Variants in TAB1 observed in about 807,000 individuals in gnomAD.
TAB1 encodes the protein TGF-beta-activated kinase 1 and MAP3K7-binding protein 1.
A neutral mutation model predicts 54.5 loss-of-function variants in TAB1; 30 were observed. That is an observed-to-expected ratio of 0.55 (90% confidence interval 0.41 to 0.75). The LOEUF is 0.75. Among genes scored for constraint, TAB1 ranks in the 30% least tolerant of loss-of-function variants. The pLI is 0.00. For missense variants in TAB1, 609 were observed against 683.2 expected, an observed-to-expected ratio of 0.89 and a Z score of 1.21; for synonymous variants, 289 against 286.9, an observed-to-expected ratio of 1.01 and a Z score of -0.07.
rs553292895 is a variant in TAB1 at position 39,421,747 on chromosome 22, A to G, written c.777-80A>G. On this transcript the variant is annotated intron_variant, in intron 7 of 10. Transcript: ENST00000216160. ...GTGTTTTATTTTACATTCTGGGCAT[A>G]GATTCCTCCCCTCAGCAGAATCAGC... The G allele has an allele frequency of 2.8e-5, 41 of 1,456,058 alleles. No individual in the cohort carries two copies. The African/African-American group carries it at 4.7e-4, about 17-fold the overall frequency. The allele number at this position is 1,456,058 out of a possible 1,614,324, so 90.2% of individuals were successfully genotyped here. A position where few individuals can be genotyped will look rare whatever the true frequency, so the allele number is the denominator to read the frequency against.
chr22:39,428,067 C>T lies in TAB1; in HGVS notation c.1191C>T (p.Ala397=). The T allele has an allele frequency of 1.2e-6, 2 of 1,613,710 alleles. No homozygotes were observed. The highest frequency in any genetic ancestry group is 1.7e-6 in the Non-Finnish European group (2 of 1,179,654). The change falls in exon 10 of 11, where the codon GCC becomes GCT. Residue 397 remains alanine (A), a synonymous_variant. Coordinates refer to ENST00000216160, the MANE Select transcript of TAB1 (RefSeq NM_006116.3). ...VYPVSVPYSS[A]QSTSKTSVTL... ...CTGTGTCTGTGCCATACTCCAGCGC[C>T]CAGAGCACCAGCAAGACCAGCGTGA...
chr22:39,421,807 C>T lies in TAB1; in HGVS notation c.777-20C>T, dbSNP rs1243300944. The T allele has an allele frequency of 4.3e-6, 7 of 1,613,862 alleles. No individual in the cohort carries two copies. The highest frequency in any genetic ancestry group is 5.1e-6 in the Non-Finnish European group (6 of 1,179,870). On this transcript the variant is annotated intron_variant, in intron 7 of 10. Transcript: ENST00000216160. ...CGGGCTGTTCCAAGCAAAGCTCTTCCTTCCACTCTCTCCCCATAGCGCTGC... is the reference window on the plus strand; with the variant it reads ...CGGGCTGTTCCAAGCAAAGCTCTTCTTTCCACTCTCTCCCCATAGCGCTGC...
chr22:39,429,169 G>A lies in TAB1; in HGVS notation c.1308-846G>A, dbSNP rs892005070. 43 of 985,460 alleles carry A rather than the reference G, an allele frequency of 4.4e-5. No homozygotes were observed. The Admixed American group carries it at 2.6e-3, about 59-fold the overall frequency. The allele number at this position is 985,460 out of a possible 1,614,324, so 61.0% of individuals were successfully genotyped here. ...TGGTCCCACCATGGGCTGGCCCTGTGCTGGTGCTGGGCAGCGCTAACAGGC... is the reference window on the plus strand; with the variant it reads ...TGGTCCCACCATGGGCTGGCCCTGTACTGGTGCTGGGCAGCGCTAACAGGC... On this transcript the variant is annotated intron_variant, in intron 10 of 10. Transcript: ENST00000216160.
intron 1 of TAB1, among the ~76,000 whole-genome samples, chr22:39,403,528 A>T (rs919104529): frequency 6.6e-6 from 1 of 152,028 alleles, no homozygotes; most frequent in Non-Finnish European, 1.5e-5. Flanking sequence ...TGGGCTTCAC[A>T]GGTCCTGATG....
At chr22:39,406,420 G>T (rs1423549150) in intron 1 of TAB1, among the ~76,000 whole-genome samples, 2 of 136,754 alleles carry the variant, frequency 1.5e-5, no homozygotes, top group Admixed American at 7.5e-5. Context: ...AAAAAAAAAG[G>T]AATCATTTGA....
chr22:39,410,072 T>C (rs1926544024), intron 1 of TAB1, among the ~76,000 whole-genome samples: 1 of 152,168 alleles, frequency 6.6e-6, no homozygotes, highest in Non-Finnish European at 1.5e-5. Flanking sequence ...CAGTTCAAGA[T>C]TAGAACTAGA....
At chr22:39,433,680 G>A, downstream of TAB1, 1 of 985,454 alleles carries the variant, frequency 1.0e-6, no homozygotes, top group Non-Finnish European at 1.2e-6. Flanking sequence ...GAGCTGCAGA[G>A]CAGGCTCCCC....
chr22:39,406,725 C>A (rs1051229315), intron 1 of TAB1, among the ~76,000 whole-genome samples: 1 of 152,088 alleles, frequency 6.6e-6, no homozygotes, highest in Non-Finnish European at 1.5e-5. Context: ...CTCTGCCTCC[C>A]GGGTTCACAC....
intron 1 of TAB1, among the ~76,000 whole-genome samples, chr22:39,401,977 GT>G (rs1437525184): frequency 1.3e-5 from 2 of 152,214 alleles, no homozygotes; most frequent in East Asian, 3.8e-4. Context: ...CCCTCACTGC[GT>G]TTGTAGATCA....
rs371396479 is a variant in TAB1 at position 39,402,171 on chromosome 22, C to A, written c.33+2336C>A. The stretch of plus-strand genomic sequence containing the variant: ...GATGTGTATGTGTGTTTTCTTGACA[C>A]GTGTGTTTTTGTTTTCATTTTTCTT... On this transcript the variant is annotated intron_variant, in intron 1 of 10. Coordinates refer to ENST00000216160, the MANE Select transcript of TAB1 (RefSeq NM_006116.3). Among the ~76,000 whole-genome samples, 6 of 151,966 alleles carry A rather than the reference C, an allele frequency of 3.9e-5. No individual in the cohort carries two copies. In the East Asian group the frequency reaches 1.2e-3, roughly 29 times the overall value.
intron 8 of TAB1, among the ~76,000 whole-genome samples, chr22:39,425,373 ACT>A (rs1351174592): frequency 6.6e-6 from 1 of 150,808 alleles, no homozygotes; most frequent in African/African-American, 2.4e-5. Context: ...ACACAGTGAG[ACT>A]CTGTCTCAAA....
intron 1 of TAB1, among the ~76,000 whole-genome samples, chr22:39,406,500 G>C (rs1007079178): frequency 8.5e-5 from 13 of 152,080 alleles, no homozygotes; most frequent in Admixed American, 2.0e-4. Flanking sequence ...TCTGGCCCTA[G>C]TTGGATTTGA....
intron 10 of TAB1, 35 bp from the exon 11 acceptor site, chr22:39,429,980 G>T: frequency 1.2e-6 from 2 of 1,609,398 alleles, no homozygotes; most frequent in Non-Finnish European, 8.5e-7. Context: ...TGACCCGGCT[G>T]CTTCTGATTG....
intron 1 of TAB1, 93 bp from the exon 2 acceptor site, chr22:39,414,913 C>T: frequency 1.4e-6 from 2 of 1,466,954 alleles, no homozygotes; most frequent in Non-Finnish European, 1.9e-6. Flanking sequence ...GGGCTGCGGG[C>T]CTGCTAGGTT....
At chr22:39,432,686 G>A, downstream of TAB1, 1 of 929,078 alleles carries the variant, frequency 1.1e-6, no homozygotes, top group Non-Finnish European at 1.3e-6. Flanking sequence ...GGCACAGACA[G>A]GTTCAGGCAC....
chr22:39,406,778 A>G (rs539930326), intron 1 of TAB1, among the ~76,000 whole-genome samples: 28 of 152,086 alleles, frequency 1.8e-4, no homozygotes, highest in African/African-American at 4.1e-4. Context: ...GACTACAGGC[A>G]CCCACCACCA....
intron 1 of TAB1, 128 bp from the exon 2 acceptor site, chr22:39,414,878 A>G (rs1926755167): frequency 1.0e-6 from 1 of 1,000,092 alleles, no homozygotes; most frequent in Admixed American, 2.5e-5. Context: ...ATTGTTTTCC[A>G]GAAGGAAGTG....
intron 1 of TAB1, among the ~76,000 whole-genome samples, chr22:39,412,795 C>T (rs1013524449): frequency 1.3e-5 from 2 of 151,714 alleles, no homozygotes; most frequent in African/African-American, 4.8e-5. Flanking sequence ...AGAAGTTGCA[C>T]ACAGTATCTG....
At chr22:39,434,726 G>A (rs1368877848), downstream of TAB1, among the ~76,000 whole-genome samples, 1 of 152,226 alleles carries the variant, frequency 6.6e-6, no homozygotes, top group Non-Finnish European at 1.5e-5. Context: ...AGGACCCCAG[G>A]TTGTGTGACC....
Sources: allele counts gnomAD v4.1 joint callset (sites outside exome capture counted in the v4.1 genomes callset), GRCh38; gene constraint gnomAD v4.1.1; transcripts MANE v1.5; gene names NCBI Gene and HGNC (gene_info 2026-07-23, HGNC 2026-07-21).